Variants in TSHR observed in about 807,000 individuals in gnomAD.
TSHR encodes thyroid stimulating hormone receptor.
Under a neutral mutation model 64.1 loss-of-function variants are expected in TSHR, and 51 were observed. The observed-to-expected ratio is 0.80, with a 90% CI of 0.64 to 1.01. The LOEUF (loss-of-function observed/expected upper bound fraction) is 1.01, where lower values mean the gene tolerates loss of function less well. Among genes scored for constraint, TSHR ranks in the 50% least tolerant of loss-of-function variants. The pLI, the probability that TSHR is intolerant of heterozygous loss-of-function variation, is 0.00. For missense variants in TSHR, 877 were observed against 942.8 expected (o/e 0.93, Z 0.91); for synonymous variants, 361 against 361.9 (o/e 1.00, Z 0.03).
intron 1 of TSHR, among the ~76,000 whole-genome samples, chr14:80,985,116 G>A (rs10151744): frequency 0.057 from 8,646 of 152,174 alleles, 772 homozygotes; most frequent in African/African-American, 0.2. Flanking sequence ...CGGGTGTGGT[G>A]GCGGGCGCCT....
chr14:80,998,367 G>C lies in TSHR; in HGVS notation c.170+42517G>C, dbSNP rs146879344. On this transcript the variant is annotated intron_variant, in intron 1 of 9. Coordinates refer to ENST00000298171, the MANE Select transcript of TSHR (RefSeq NM_000369.5). Reference sequence around the variant, plus strand: ...ATCGAATGCTGAACAGAACAGATAAGTTGCCCACACTTTCATGGAATTTGC... The same window carrying C: ...ATCGAATGCTGAACAGAACAGATAACTTGCCCACACTTTCATGGAATTTGC... 7.7e-3 allele frequency among the ~76,000 whole-genome samples: 1,173 copies of C among 152,108 alleles called. 9 individuals are homozygous for C. The highest frequency in any genetic ancestry group is 0.011 in the Non-Finnish European group (714 of 67,980).
intron 1 of TSHR, among the ~76,000 whole-genome samples, chr14:81,043,712 G>A (rs1885030844): frequency 1.3e-5 from 2 of 152,154 alleles, no homozygotes; most frequent in African/African-American, 2.4e-5. Flanking sequence ...AATGAAAACA[G>A]CATGGTACTG....
chr14:81,103,488 GA>G lies in TSHR; in HGVS notation c.615-4885del. 3.0e-6 allele frequency: 3 copies of G among 985,432 alleles called. No individual in the cohort carries two copies. The highest frequency in any genetic ancestry group is 3.6e-6 in the Non-Finnish European group (3 of 829,930). 61.0% of individuals were successfully genotyped at this position (985,432 alleles called of 1,614,324 possible). A position where few individuals can be genotyped will look rare whatever the true frequency, so the allele number is the denominator to read the frequency against. On this transcript the variant is annotated intron_variant, in intron 7 of 9. Coordinates refer to ENST00000298171, the MANE Select transcript of TSHR (RefSeq NM_000369.5). The surrounding 1 kb of genome is among the most constrained non-coding windows in gnomAD (Gnocchi z 4.1). ...TACACTCATTTTTTAAAATGTAACT[GA>G]ATAATACAATTACAGCCAAGCTGGA... is the stretch of plus-strand genomic sequence containing the variant.
chr14:81,091,767 C>G (rs931839234), intron 5 of TSHR, among the ~76,000 whole-genome samples: 1 of 152,228 alleles, frequency 6.6e-6, no homozygotes, highest in African/African-American at 2.4e-5. Context: ...GTGATTTTGT[C>G]TGAGCAGTGT....
At chr14:80,970,452 C>T (rs1887534814) in intron 1 of TSHR, among the ~76,000 whole-genome samples, 1 of 152,222 alleles carries the variant, frequency 6.6e-6, no homozygotes, top group South Asian at 2.1e-4. Context: ...TTATTTTCCT[C>T]ATAAAGGGTA....
At chr14:81,066,465 G>A (rs1886618112) in intron 2 of TSHR, among the ~76,000 whole-genome samples, 1 of 152,206 alleles carries the variant, frequency 6.6e-6, no homozygotes, top group East Asian at 1.9e-4. Context: ...AAAGGGTTAA[G>A]AGACTGGGTA....
intron 8 of TSHR, among the ~76,000 whole-genome samples, chr14:81,134,007 C>A (rs7157900): frequency 0.33 from 50,471 of 152,106 alleles, 10,465 homozygotes; most frequent in African/African-American, 0.59. Context: ...CACAAAGTTT[C>A]AGTGACTGAT....
chr14:81,123,672 G>A (rs8012915), intron 8 of TSHR, among the ~76,000 whole-genome samples: 46,532 of 151,946 alleles, frequency 0.31, 8,023 homozygotes, highest in East Asian at 0.53. Flanking sequence ...AGTCTAAAAA[G>A]TCAAACTTAC....
At chr14:80,962,817 A>C (rs1887103404) in intron 1 of TSHR, among the ~76,000 whole-genome samples, 2 of 152,168 alleles carry the variant, frequency 1.3e-5, no homozygotes, top group Admixed American at 1.3e-4. Flanking sequence ...TCCGTAGACA[A>C]AATTGTTTTG....
At chr14:81,107,374 C>A (rs919171633) in intron 7 of TSHR, among the ~76,000 whole-genome samples, 1 of 152,062 alleles carries the variant, frequency 6.6e-6, no homozygotes, top group Non-Finnish European at 1.5e-5. Flanking sequence ...TTAAGTGGAC[C>A]AGGTTATGTT....
At chr14:81,029,790 A>G (rs572350105) in intron 1 of TSHR, among the ~76,000 whole-genome samples, 1 of 152,260 alleles carries the variant, frequency 6.6e-6, no homozygotes, top group African/African-American at 2.4e-5. Context: ...ATACCCATGG[A>G]TTCTGTATCC....
In TSHR at chr14:81,108,367, C is replaced by G; in HGVS notation, c.615-8C>G. On this transcript the variant is annotated splice_region_variant and splice_polypyrimidine_tract_variant and intron_variant, in intron 7 of 9. Coordinates refer to ENST00000298171, the MANE Select transcript of TSHR (RefSeq NM_000369.5). ...ATTCTCTCTCTCTCTTTCTCTCTCT[C>G]CCTCTAGTTACCTAAACAAGAATAA... The G allele has an allele frequency of 6.2e-7, 1 of 1,604,858 alleles. No individual in the cohort carries two copies. The highest frequency in any genetic ancestry group is 8.5e-7 in the Non-Finnish European group (1 of 1,172,324).
chr14:80,997,215 T>C (rs1201659817), intron 1 of TSHR, among the ~76,000 whole-genome samples: 1 of 152,174 alleles, frequency 6.6e-6, no homozygotes, highest in East Asian at 1.9e-4. Context: ...ATTCCAAAGC[T>C]CCATGCTTTT....
chr14:81,106,496 C>T (rs1889901921), intron 7 of TSHR, among the ~76,000 whole-genome samples: 2 of 152,106 alleles, frequency 1.3e-5, no homozygotes. Flanking sequence ...AGACATAGAA[C>T]TTTCATTCTG....
intron 8 of TSHR, among the ~76,000 whole-genome samples, chr14:81,130,373 C>G (rs750661817): frequency 1.3e-5 from 2 of 152,152 alleles, no homozygotes; most frequent in Non-Finnish European, 2.9e-5. Context: ...CCAATTAGTA[C>G]TTATTTCAGA....
intron 1 of TSHR, among the ~76,000 whole-genome samples, chr14:81,042,970 C>G (rs997353121): frequency 4.6e-4 from 70 of 151,942 alleles, no homozygotes; most frequent in African/African-American, 1.5e-3. Flanking sequence ...TATAAAAAAC[C>G]CACAGCCAAT....
At chr14:81,037,780 A>T (rs11159486) in intron 1 of TSHR, among the ~76,000 whole-genome samples, 36,959 of 151,808 alleles carry the variant, frequency 0.24, 4,596 homozygotes, top group South Asian at 0.33. Flanking sequence ...CAACCAATTA[A>T]AACAATTCTA....
chr14:81,059,468 A>G (rs1013296436), intron 1 of TSHR, among the ~76,000 whole-genome samples: 25 of 152,288 alleles, frequency 1.6e-4, no homozygotes, highest in Middle Eastern at 3.4e-3. Context: ...TCCAGGCAAA[A>G]TGTATGAACT....
chr14:81,043,906 C>G (rs771971199), intron 1 of TSHR, among the ~76,000 whole-genome samples: 20 of 152,238 alleles, frequency 1.3e-4, no homozygotes, highest in South Asian at 4.2e-4. Flanking sequence ...AAACTGGACC[C>G]CTTCCTTACA....
Sources: allele counts gnomAD v4.1 joint callset (sites outside exome capture counted in the v4.1 genomes callset), GRCh38; gene constraint gnomAD v4.1.1; non-coding constraint Gnocchi (gnomAD v3.1); transcripts MANE v1.5; gene names NCBI Gene and HGNC (gene_info 2026-07-23, HGNC 2026-07-21).